Variants in SLK observed in about 807,000 individuals in gnomAD.
SLK encodes STE20 like kinase.
A neutral mutation model predicts 147.7 loss-of-function variants in SLK; 67 were observed. The ratio of observed to expected loss-of-function variants is 0.45; its 90% confidence interval spans 0.37 to 0.56. SLK has a LOEUF of 0.56. SLK is among the 20% of genes least tolerant of loss of function. The pLI, the probability that SLK is intolerant of heterozygous loss-of-function variation, is 0.00. For missense variants in SLK, 1,136 were observed against 1,438.8 expected, an observed-to-expected ratio of 0.79 and a Z score of 3.41; for synonymous variants, 441 against 475.0, an observed-to-expected ratio of 0.93 and a Z score of 0.93.
intron 1 of SLK, among the ~76,000 whole-genome samples, chr10:103,970,597 T>G (rs1440424688): frequency 2.0e-5 from 3 of 152,216 alleles, no homozygotes. Context: ...ATCTGTCTTC[T>G]TATGGCCTCT....
chr10:104,003,105 A>C lies in SLK; in HGVS notation c.1927A>C (p.Thr643Pro). ...EPGTTEGEEI[T>P]ESSSTEEMEV... The stretch of plus-strand genomic sequence containing the variant: ...AGGAACAACTGAAGGTGAAGAAATC[A>C]CTGAGTCAAGTAGCACTGAAGAAAT... Residue 643 changes from threonine (T) to proline (P), a missense_variant, in exon 9 of 19, where the codon ACT becomes CCT. This residue lies in a region of SLK where 516 missense variants were observed against 531.3 expected (regional missense o/e 0.97). Transcript: ENST00000369755. 1 of 1,614,176 alleles carries C rather than the reference A, an allele frequency of 6.2e-7. No individual in the cohort carries two copies.
Position 104,005,683 on chromosome 10 carries a change from G to T in SLK, c.2472G>T (p.Arg824=), listed in dbSNP as rs116628156. Residue 824 remains arginine (R), a synonymous_variant, in exon 10 of 19, where the codon CGG becomes CGT. Coordinates refer to ENST00000369755, the MANE Select transcript of SLK (RefSeq NM_014720.4). Reference sequence around the variant, plus strand: ...GTGATTCCAAAACTGAAGAATTGCGGTTTCTTAGGTGAGTAGAGAAACAAC... The same window carrying T: ...GTGATTCCAAAACTGAAGAATTGCGTTTTCTTAGGTGAGTAGAGAAACAAC... ...TDSDSKTEEL[R]FLRRQELREL... is the part of the protein sequence containing the mutation. 95 of 1,610,194 alleles carry T rather than the reference G, an allele frequency of 5.9e-5. No homozygotes were observed. In the African/African-American group the frequency reaches 1.1e-3, roughly 19 times the overall value.
intron 13 of SLK, among the ~76,000 whole-genome samples, chr10:104,015,608 A>G (rs558278837): frequency 1.3e-5 from 2 of 152,360 alleles, no homozygotes; most frequent in Non-Finnish European, 2.9e-5. Context: ...ACTCTCTTTC[A>G]TTAATTTTAG....
At chr10:104,010,326 T>C (rs1844383734) in intron 12 of SLK, among the ~76,000 whole-genome samples, 1 of 152,236 alleles carries the variant, frequency 6.6e-6, no homozygotes, top group Non-Finnish European at 1.5e-5. Flanking sequence ...TTTCCTTTTT[T>C]GTTTTTGGCC....
rs1228005929 is a variant in SLK at position 104,003,449 on chromosome 10, T to C, written c.2271T>C (p.Asp757=). ...DNDSGTGSTA[D]TSSIDLNLSI... The stretch of plus-strand genomic sequence containing the variant: ...ATTCAGGCACTGGTTCCACTGCTGA[T>C]ACTAGCAGTATTGACTTGAATTTAT... Residue 757 remains aspartate, a synonymous_variant, in exon 9 of 19, where the codon GAT becomes GAC. Transcript: ENST00000369755. 7 of 1,613,246 alleles carry C rather than the reference T, an allele frequency of 4.3e-6. No homozygotes were observed. In the East Asian group the frequency reaches 8.9e-5, roughly 21 times the overall value.
intron 4 of SLK, among the ~76,000 whole-genome samples, chr10:103,996,747 C>G (rs1046414943): frequency 2.0e-5 from 3 of 152,050 alleles, no homozygotes; most frequent in African/African-American, 7.2e-5. Context: ...TCCCCGCCCC[C>G]GACAGGAAAG....
At chr10:103,975,346 C>T (rs1843856177) in intron 1 of SLK, among the ~76,000 whole-genome samples, 1 of 152,138 alleles carries the variant, frequency 6.6e-6, no homozygotes, top group African/African-American at 2.4e-5. Flanking sequence ...CAGTAATTAC[C>T]ACTTCCATCT....
In SLK at chr10:104,008,372, T is replaced by A. The variant is rs964971876; in HGVS notation, c.2784+16T>A. 4.5e-6 allele frequency: 7 copies of A among 1,556,390 alleles called. No homozygotes were observed. The highest frequency in any genetic ancestry group is 6.1e-6 in the Non-Finnish European group (7 of 1,149,754). On this transcript the variant is annotated intron_variant, in intron 12 of 18. Transcript: ENST00000369755. ...AAAGAAGGAGGTAAGTGTAAACTAC[T>A]GTTTTTAATTACTAAAGCTTTTTTT...
intron 11 of SLK, among the ~76,000 whole-genome samples, chr10:104,006,357 CA>C (rs750727001): frequency 4.6e-5 from 7 of 152,276 alleles, no homozygotes; most frequent in South Asian, 2.1e-4. Flanking sequence ...GGTAATTTTT[CA>C]GTGCTCTAAT....
chr10:104,010,974 T>C (rs1844392477), intron 13 of SLK, 66 bp downstream of exon 13: 1 of 979,268 alleles, frequency 1.0e-6, no homozygotes, highest in East Asian at 2.7e-5. Flanking sequence ...TGATAAACCA[T>C]GGTTGAAAGG....
At chr10:103,989,477 T>TTTTTTTC (rs1415965527) in intron 1 of SLK, among the ~76,000 whole-genome samples, 1 of 142,596 alleles carries the variant, frequency 7.0e-6, no homozygotes, top group Non-Finnish European at 1.5e-5. Flanking sequence ...TTTTTTTTTT[T>TTTTTTTC]TTTTTTTTGG....
In SLK at chr10:103,967,646, C is replaced by T. The variant is rs1843732499; in HGVS notation, c.-100C>T. ...CGGGGGCCGAGGGACGCCGCGCCCG[C>T]CGCCGCCAGCCGGGCTCGCGCGGGA... is the stretch of plus-strand genomic sequence containing the variant. On this transcript the variant is annotated 5_prime_UTR_variant, in exon 1 of 19. Coordinates refer to ENST00000369755, the MANE Select transcript of SLK (RefSeq NM_014720.4). 8.9e-7 allele frequency: 1 copy of T among 1,123,056 alleles called. No homozygotes were observed. The highest frequency in any genetic ancestry group is 1.2e-6 in the Non-Finnish European group (1 of 851,536). 69.6% of individuals were successfully genotyped at this position (1,123,056 alleles called of 1,614,324 possible). A position where few individuals can be genotyped will look rare whatever the true frequency, so the allele number is the denominator to read the frequency against.
At chr10:103,994,214 AG>A (rs1844136611) in intron 4 of SLK, among the ~76,000 whole-genome samples, 1 of 152,210 alleles carries the variant, frequency 6.6e-6, no homozygotes, top group Non-Finnish European at 1.5e-5. Context: ...AAACCACACC[AG>A]AAATTGTGTA....
chr10:103,983,682 G>C (rs1186745583), intron 1 of SLK, among the ~76,000 whole-genome samples: 1 of 122,376 alleles, frequency 8.2e-6, no homozygotes, highest in African/African-American at 2.9e-5. Context: ...TTTTTTTTTT[G>C]CTCCAGCATC....
At chr10:104,015,018 G>C (rs1381055386) in intron 13 of SLK, among the ~76,000 whole-genome samples, 1 of 151,878 alleles carries the variant, frequency 6.6e-6, no homozygotes, top group East Asian at 1.9e-4. Context: ...TTTGGCTTTT[G>C]AAGTTAGGGA....
At chr10:103,985,088 T>A (rs1266763887) in intron 1 of SLK, among the ~76,000 whole-genome samples, 1 of 152,256 alleles carries the variant, frequency 6.6e-6, no homozygotes, top group Non-Finnish European at 1.5e-5. Flanking sequence ...ACATAATTTT[T>A]ATGATAGTAT....
At chr10:103,994,823 T>C (rs1321346855) in intron 4 of SLK, among the ~76,000 whole-genome samples, 1 of 152,244 alleles carries the variant, frequency 6.6e-6, no homozygotes. Flanking sequence ...CTCCTGATGA[T>C]TGAAGTTCCT....
In SLK at chr10:103,974,655, C is replaced by CTTTTTTTTTTTTTTTT. The variant is rs568337016; in HGVS notation, c.150+6773_150+6774insTTTTTTTTTTTTTTTT. On this transcript the variant is annotated intron_variant, in intron 1 of 18. Coordinates refer to ENST00000369755, the MANE Select transcript of SLK (RefSeq NM_014720.4). Reference sequence around the variant, plus strand: ...AAAAAAAAAAAGTTCATCTTTTGGCCTTTTTTTTTTTTTGAGATGGAGTCT... The same window carrying CTTTTTTTTTTTTTTTT: ...AAAAAAAAAAAGTTCATCTTTTGGCCTTTTTTTTTTTTTTTTTTTTTTTTTTTTTGAGATGGAGTCT... 45 of 30,176 alleles carry CTTTTTTTTTTTTTTTT rather than the reference C, an allele frequency of 1.5e-3. 18 individuals carry two copies. The highest frequency in any genetic ancestry group is 3.1e-3 in the African/African-American group (36 of 11,532). 1.9% of individuals were successfully genotyped at this position (30,176 alleles called of 1,614,324 possible). A position where few individuals can be genotyped will look rare whatever the true frequency, so the allele number is the denominator to read the frequency against.
intron 9 of SLK, among the ~76,000 whole-genome samples, chr10:104,004,304 AT>A (rs1251013784): frequency 6.6e-6 from 1 of 152,122 alleles, no homozygotes; most frequent in African/African-American, 2.4e-5. Context: ...TATTCCTAGG[AT>A]TTTCTTCTTT....
Sources: allele counts gnomAD v4.1 joint callset (sites outside exome capture counted in the v4.1 genomes callset), GRCh38; gene constraint gnomAD v4.1.1; regional missense constraint gnomAD v4.1.1; transcripts MANE v1.5; gene names NCBI Gene and HGNC (gene_info 2026-07-23, HGNC 2026-07-21).